Variants in YAP1 observed in about 807,000 individuals in gnomAD.
YAP1 encodes Yes1 associated transcriptional regulator.
A neutral mutation model predicts 56.9 loss-of-function variants in YAP1; 5 were observed. The ratio of observed to expected loss-of-function variants is 0.09; its 90% CI spans 0.05 to 0.18. The LOEUF is 0.18. Among genes scored for constraint, YAP1 ranks in the 10% least tolerant of loss-of-function variants. YAP1 has a pLI of 1.00. For synonymous variants in YAP1, 265 were observed against 248.1 expected (o/e 1.07, Z -0.64); for missense variants, 539 against 651.8 (o/e 0.83, Z 1.88).
intron 3 of YAP1, among the ~76,000 whole-genome samples, chr11:102,166,135 T>G (rs75438387): frequency 3.3e-5 from 5 of 152,188 alleles, no homozygotes; most frequent in Admixed American, 2.6e-4. Context: ...GTCAAAACTT[T>G]CCAAATTAGA....
intron 6 of YAP1, 30 bp downstream of exon 6, chr11:102,209,594 GAAAA>G (rs35731181): frequency 1.6e-4 from 217 of 1,315,494 alleles, no homozygotes; most frequent in South Asian, 4.2e-4. Flanking sequence ...TTTAGCACTG[GAAAA>G]AAAAAAAAAA....
intron 2 of YAP1, among the ~76,000 whole-genome samples, chr11:102,151,479 T>G (rs1379419351): frequency 2.0e-5 from 3 of 152,234 alleles, no homozygotes; most frequent in Non-Finnish European, 4.4e-5. Flanking sequence ...ACCAAGAACC[T>G]TTCCATAAAC....
At chr11:102,133,770 G>C (rs1944510759) in intron 2 of YAP1, among the ~76,000 whole-genome samples, 1 of 152,162 alleles carries the variant, frequency 6.6e-6, no homozygotes, top group Non-Finnish European at 1.5e-5. Flanking sequence ...ACGGTTACTA[G>C]TTATCTTAGT....
rs555402275 is a variant in YAP1 at position 102,223,446 on chromosome 11, T to C, written c.1033-176T>C. ...GACTTTAAATATATGTAACTTAATT[T>C]TTAGTCATTTGAAATGGATAGAATT... On this transcript the variant is annotated intron_variant, in intron 6 of 8. Transcript: ENST00000282441. Among the ~76,000 whole-genome samples, 5 of 152,198 alleles carry C rather than the reference T, an allele frequency of 3.3e-5. No homozygotes were observed. In the South Asian group the frequency reaches 8.3e-4, roughly 25 times the overall value.
chr11:102,184,971 C>T (rs1947868300), intron 3 of YAP1, among the ~76,000 whole-genome samples: 2 of 152,300 alleles, frequency 1.3e-5, no homozygotes, highest in South Asian at 2.1e-4. Flanking sequence ...CTGCTTATGT[C>T]ATTTGTTTAC....
At chr11:102,206,163 A>G in intron 5 of YAP1, 89 bp downstream of exon 5, 1 of 1,465,006 alleles carries the variant, frequency 6.8e-7, no homozygotes, top group Non-Finnish European at 9.3e-7. Context: ...TTTATTAGTT[A>G]CAGAGGAATG....
intron 3 of YAP1, among the ~76,000 whole-genome samples, chr11:102,170,702 CTCACACCTATAA>C (rs1294187617): frequency 1.3e-5 from 2 of 152,116 alleles, no homozygotes; most frequent in Admixed American, 6.5e-5. Context: ...GGTGTGGTGG[CTCACACCTATAA>C]TCCCAGCACT....
At chr11:102,184,034 G>A (rs1283626231) in intron 3 of YAP1, among the ~76,000 whole-genome samples, 5 of 142,118 alleles carry the variant, frequency 3.5e-5, no homozygotes, top group Admixed American at 7.5e-5. Flanking sequence ...CCGAGATCCC[G>A]CCACTGCACT....
chr11:102,135,802 A>G (rs1944639309), intron 2 of YAP1, among the ~76,000 whole-genome samples: 3 of 152,230 alleles, frequency 2.0e-5, no homozygotes, highest in South Asian at 2.1e-4. Context: ...AAAATTTTAT[A>G]TAAATGAAGT....
At chr11:102,150,001 T>C in intron 2 of YAP1, among the ~76,000 whole-genome samples, 1 of 146,880 alleles carries the variant, frequency 6.8e-6, no homozygotes, top group East Asian at 2.0e-4. Context: ...TTTTTTTTTT[T>C]TTTGAGACAG....
At chr11:102,115,538 A>G (rs1393526588) in intron 2 of YAP1, among the ~76,000 whole-genome samples, 4 of 147,688 alleles carry the variant, frequency 2.7e-5, no homozygotes, top group Non-Finnish European at 4.5e-5. Flanking sequence ...AGGTTTGATC[A>G]TGAAAAGTTC....
At chr11:102,203,988 G>T (rs1423783187) in intron 4 of YAP1, among the ~76,000 whole-genome samples, 1 of 152,114 alleles carries the variant, frequency 6.6e-6, no homozygotes, top group Non-Finnish European at 1.5e-5. Flanking sequence ...TTATTAACAG[G>T]TAGCTGAGAA....
intron 3 of YAP1, 34 bp from the exon 4 acceptor site, chr11:102,185,984 A>C (rs1591358298): frequency 6.5e-7 from 1 of 1,535,868 alleles, no homozygotes; most frequent in Non-Finnish European, 8.7e-7. Context: ...ACCAAATAAA[A>C]ACCATGATTT....
At chr11:102,131,718 A>T (rs909371792) in intron 2 of YAP1, among the ~76,000 whole-genome samples, 1 of 152,156 alleles carries the variant, frequency 6.6e-6, no homozygotes, top group Non-Finnish European at 1.5e-5. Flanking sequence ...AGTATTTACT[A>T]TGTGTATTCT....
intron 4 of YAP1, among the ~76,000 whole-genome samples, chr11:102,204,919 T>C (rs1419320746): frequency 2.0e-5 from 3 of 152,184 alleles, no homozygotes; most frequent in South Asian, 2.1e-4. Flanking sequence ...TGGGGTTTTC[T>C]TTAGTCAATG....
At position 102,230,879 on chromosome 11, in the gene YAP1, C is replaced by T. The variant is rs1214089706; in HGVS notation, c.*939C>T. ...CTCTCTTTTATATACATACACACACCCAAACATAACATTTATAATAGTGTG... is the reference window on the plus strand; with the variant it reads ...CTCTCTTTTATATACATACACACACTCAAACATAACATTTATAATAGTGTG... On this transcript the variant is annotated 3_prime_UTR_variant, in exon 9 of 9. Coordinates refer to ENST00000282441, the MANE Select transcript of YAP1 (RefSeq NM_001130145.3). The T allele has an allele frequency of 1.3e-5, 2 of 152,010 alleles. No homozygotes were observed. Among genetic ancestry groups the T allele is most frequent in the African/African-American group, 2.4e-5 (1 of 41,362 alleles). The allele number at this position is 152,010 out of a possible 1,614,324, so 9.4% of individuals were successfully genotyped here.
At position 102,146,181 on chromosome 11, in the gene YAP1, CT is replaced by C. The variant is rs534277180; in HGVS notation, c.573-16269del. ...TTTCTAGCCTCATCTCTCCCTCCCTCTTTTTTAATTAATAAAAGACAAATAG... is the reference window on the plus strand; with the variant it reads ...TTTCTAGCCTCATCTCTCCCTCCCTCTTTTTAATTAATAAAAGACAAATAG... On this transcript the variant is annotated intron_variant, in intron 2 of 8. Coordinates refer to ENST00000282441, the MANE Select transcript of YAP1 (RefSeq NM_001130145.3). 8.1e-4 allele frequency among the ~76,000 whole-genome samples: 123 copies of C among 152,242 alleles called. 1 individual carries two copies. The highest frequency in any genetic ancestry group is 3.4e-3 in the Middle Eastern group (1 of 292).
chr11:102,145,405 A>G (rs1213675192), intron 2 of YAP1, among the ~76,000 whole-genome samples: 4 of 152,242 alleles, frequency 2.6e-5, no homozygotes, highest in Non-Finnish European at 5.9e-5. Context: ...TATCAGAAAT[A>G]CCACTGATAT....
intron 6 of YAP1, among the ~76,000 whole-genome samples, chr11:102,215,486 ATTTAT>A (rs1370692616): frequency 1.3e-5 from 2 of 152,112 alleles, no homozygotes; most frequent in Non-Finnish European, 2.9e-5. Context: ...ATGTTATTTT[ATTTAT>A]TTAAGATGGA....
Sources: gnomAD v4.1 joint callset for allele counts (sites outside exome capture counted in the v4.1 genomes callset) on GRCh38, gnomAD v4.1.1 for gene constraint, MANE v1.5 for transcripts, NCBI Gene and HGNC (gene_info 2026-07-23, HGNC 2026-07-21) for gene names.